ROCK2: variants seen among roughly 807,000 people sequenced by gnomAD.
ROCK2 encodes rho-associated protein kinase 2.
In ROCK2, 61 loss-of-function variants were observed where a neutral mutation model predicts 195.1. The observed-to-expected ratio is 0.31, with a 90% CI of 0.25 to 0.39. ROCK2 has a LOEUF of 0.39. Ranked by LOEUF, ROCK2 falls within the 10% of genes least tolerant of loss-of-function variation. The probability of loss-of-function intolerance (pLI) is 1.00; values close to 1 mark genes in which losing one functional copy is unlikely to be tolerated. For missense variants in ROCK2, 1,109 were observed against 1,637.4 expected, an observed-to-expected ratio of 0.68 and a Z score of 5.57; for synonymous variants, 504 against 545.5, an observed-to-expected ratio of 0.92 and a Z score of 1.06.
At chr2:11,333,557 A>ACAG (rs903113502) in intron 1 of ROCK2, among the ~76,000 whole-genome samples, 7 of 152,354 alleles carry the variant, frequency 4.6e-5, no homozygotes, top group Admixed American at 1.3e-4. Context: ...CAAACATGAA[A>ACAG]CAGTTTAAAG....
intron 1 of ROCK2, among the ~76,000 whole-genome samples, chr2:11,314,764 G>A (rs965509482): frequency 5.3e-5 from 8 of 151,910 alleles, no homozygotes; most frequent in Non-Finnish European, 1.2e-4. Flanking sequence ...CAAATATGAT[G>A]CTTAAATATA....
At chr2:11,184,117 C>G (rs1663105775) in intron 32 of ROCK2, among the ~76,000 whole-genome samples, 1 of 152,206 alleles carries the variant, frequency 6.6e-6, no homozygotes, top group Non-Finnish European at 1.5e-5. Flanking sequence ...CAGCGTATCA[C>G]TGACATTCTT....
intron 1 of ROCK2, among the ~76,000 whole-genome samples, chr2:11,288,004 T>C (rs1388019083): frequency 6.6e-6 from 1 of 152,222 alleles, no homozygotes; most frequent in Non-Finnish European, 1.5e-5. Flanking sequence ...TTATTATTTT[T>C]GCTAGACAGA....
At chr2:11,287,487 T>G (rs1304870651) in intron 2 of ROCK2, among the ~76,000 whole-genome samples, 168 bp downstream of exon 2, 2 of 152,190 alleles carry the variant, frequency 1.3e-5, no homozygotes, top group Non-Finnish European at 2.9e-5. Context: ...GCAATTGCTT[T>G]AAAAATAAAA....
At chr2:11,224,285 A>G in intron 7 of ROCK2, 37 bp downstream of exon 7, 1 of 1,551,438 alleles carries the variant, frequency 6.4e-7, no homozygotes, top group South Asian at 1.2e-5. Context: ...AATTTAACAT[A>G]AAGGGCTTCT....
intron 1 of ROCK2, among the ~76,000 whole-genome samples, chr2:11,331,034 GAGGAGGAGGGAGGA>G (rs1421993390): frequency 9.2e-6 from 1 of 108,900 alleles, no homozygotes; most frequent in East Asian, 3.2e-4. Context: ...GAGGAGGAGG[GAGGAGGAGGGAGGA>G]GGAGGAGGAG....
intron 3 of ROCK2, among the ~76,000 whole-genome samples, chr2:11,285,464 G>A (rs1369944416): frequency 6.6e-6 from 1 of 151,944 alleles, no homozygotes; most frequent in African/African-American, 2.4e-5. Context: ...GACTTCTTCA[G>A]AAGAATAATA....
chr2:11,322,688 T>C (rs923615469), intron 1 of ROCK2, among the ~76,000 whole-genome samples: 1 of 152,200 alleles, frequency 6.6e-6, no homozygotes, highest in African/African-American at 2.4e-5. Flanking sequence ...CTATAACTTC[T>C]TAAAAGTACC....
At chr2:11,306,466 CT>C (rs553155633) in intron 1 of ROCK2, among the ~76,000 whole-genome samples, 48 of 152,270 alleles carry the variant, frequency 3.2e-4, no homozygotes, top group Middle Eastern at 3.4e-3. Flanking sequence ...TATTATCTAG[CT>C]CCTTATTAAA....
At chr2:11,254,782 G>C (rs914340167) in intron 3 of ROCK2, among the ~76,000 whole-genome samples, 4 of 138,774 alleles carry the variant, frequency 2.9e-5, no homozygotes, top group African/African-American at 1.1e-4. Context: ...CTAATTTCTT[G>C]GTCGTTCAGC....
At chr2:11,216,282 T>C in intron 12 of ROCK2, 76 bp from the exon 13 acceptor site, 1 of 1,070,102 alleles carries the variant, frequency 9.3e-7, no homozygotes, top group Non-Finnish European at 1.4e-6. Flanking sequence ...TAAAAGTAAT[T>C]ACATAATTAC....
At chr2:11,255,104 C>A (rs1665978365) in intron 3 of ROCK2, among the ~76,000 whole-genome samples, 1 of 150,074 alleles carries the variant, frequency 6.7e-6, no homozygotes, top group Non-Finnish European at 1.5e-5. Context: ...GTAGTCCCAG[C>A]TACTTGGGAG....
rs1664120066 is a variant in ROCK2, at chr2:11,208,120, T to C, written c.2364+167A>G. On this transcript the variant is annotated intron_variant, in intron 19 of 32. Transcript: ENST00000315872. ...AATAAGGTAAATATAACTTTAAAAA[T>C]GTTTAAATTATGATTCCTTTAGTAT... Among the ~76,000 whole-genome samples the C allele has an allele frequency of 3.3e-5, 5 of 151,550 alleles. No homozygotes were observed. In the South Asian group the frequency reaches 1.0e-3, roughly 31 times the overall value.
At chr2:11,343,921 G>T in intron 1 of ROCK2, 75 bp downstream of exon 1, 2 of 1,498,214 alleles carry the variant, frequency 1.3e-6, no homozygotes, top group Non-Finnish European at 1.8e-6. Flanking sequence ...GGGCGGACGG[G>T]CACGGAGGGC....
chr2:11,211,581 A>T, intron 18 of ROCK2, 100 bp downstream of exon 18: 1 of 1,140,964 alleles, frequency 8.8e-7, no homozygotes, highest in Non-Finnish European at 1.2e-6. Context: ...CCAATATTTG[A>T]CAATGAAATA....
intron 4 of ROCK2, among the ~76,000 whole-genome samples, chr2:11,245,249 AATTAT>A (rs1665573247): frequency 6.7e-6 from 1 of 149,042 alleles, no homozygotes; most frequent in African/African-American, 2.4e-5. Flanking sequence ...TTATTTATAA[AATTAT>A]ATTATAAATT....
chr2:11,318,745 T>C (rs1668308312), intron 1 of ROCK2, among the ~76,000 whole-genome samples: 1 of 152,332 alleles, frequency 6.6e-6, no homozygotes. Context: ...ATGACTAACA[T>C]TTAAGTCTTT....
chr2:11,184,810 T>C, intron 32 of ROCK2: 1 of 947,644 alleles, frequency 1.1e-6, no homozygotes, highest in African/African-American at 1.8e-5. Flanking sequence ...TAACACTCTT[T>C]AGAAACTGTA....
chr2:11,341,322 A>C (rs1322834745), intron 1 of ROCK2, among the ~76,000 whole-genome samples: 1 of 152,164 alleles, frequency 6.6e-6, no homozygotes, highest in East Asian at 1.9e-4. Flanking sequence ...AATGCTACTC[A>C]CTCAAAATTA....
Sources: gnomAD v4.1 joint callset for allele counts (sites outside exome capture counted in the v4.1 genomes callset) on GRCh38, gnomAD v4.1.1 for gene constraint, MANE v1.5 for transcripts, NCBI Gene and HGNC (gene_info 2026-07-23, HGNC 2026-07-21) for gene names.